Variants in BAZ1A observed in about 807,000 individuals in gnomAD.
BAZ1A encodes bromodomain adjacent to zinc finger domain protein 1A.
In BAZ1A, 50 loss-of-function variants were observed where a neutral mutation model predicts 185.2. The observed-to-expected ratio is 0.27, with a 90% confidence interval of 0.22 to 0.34. The LOEUF (loss-of-function observed/expected upper bound fraction) is 0.34, where lower values mean the gene tolerates loss of function less well. Among genes scored for constraint, BAZ1A ranks in the 10% least tolerant of loss-of-function variants. BAZ1A has a pLI of 1.00. For synonymous variants in BAZ1A, 571 were observed against 615.6 expected (o/e 0.93, Z 1.07); for missense variants, 1,356 against 1,839.9 (o/e 0.74, Z 4.81).
rs142708800 is a variant in BAZ1A, at chr14:34,862,046, T to C, written c.390A>G (p.Ala130=). 25 of 1,613,408 alleles carry C rather than the reference T, an allele frequency of 1.5e-5. No individual in the cohort carries two copies. The highest frequency in any genetic ancestry group is 1.9e-5 in the Non-Finnish European group (23 of 1,179,550). ...ETVEVIRNNG[A]RLQCRILEVL... is the part of the protein sequence containing the mutation. ...AGGAAAAATTAAAAGTACTTTACCT[T>C]GCACCATTGTTCCTAATGACTTCCA... is the stretch of plus-strand genomic sequence containing the variant. Residue 130 remains alanine (A), a splice_region_variant and synonymous_variant, in exon 3 of 27, where the codon GCA becomes GCG. Transcript: ENST00000360310.
intron 3 of BAZ1A, among the ~76,000 whole-genome samples, chr14:34,846,899 T>A (rs1055641177): frequency 1.3e-5 from 2 of 152,020 alleles, no homozygotes; most frequent in South Asian, 2.1e-4. Context: ...TAAAAAAAAA[T>A]TAAAAATAAT....
chr14:34,776,831 G>A (rs1879654626), intron 17 of BAZ1A, among the ~76,000 whole-genome samples: 1 of 152,130 alleles, frequency 6.6e-6, no homozygotes, highest in Non-Finnish European at 1.5e-5. Context: ...GGCACTGTCT[G>A]CAAGCCAAGA....
intron 11 of BAZ1A, among the ~76,000 whole-genome samples, chr14:34,793,963 A>G (rs1881030369): frequency 1.3e-5 from 2 of 151,220 alleles, no homozygotes; most frequent in Admixed American, 1.3e-4. Flanking sequence ...AAAGAAAAAA[A>G]GAAAAAAAAA....
intron 3 of BAZ1A, among the ~76,000 whole-genome samples, chr14:34,828,124 C>T (rs1200403): frequency 0.11 from 17,214 of 151,232 alleles, 1,203 homozygotes; most frequent in Non-Finnish European, 0.17. Flanking sequence ...AACCCTGTCT[C>T]TAGTAAAAAA....
intron 14 of BAZ1A, among the ~76,000 whole-genome samples, chr14:34,785,456 T>G (rs1189347664): frequency 6.6e-6 from 1 of 152,184 alleles, no homozygotes; most frequent in East Asian, 1.9e-4. Flanking sequence ...CTTATTCAAG[T>G]GAATGGCAGG....
At chr14:34,848,781 T>C (rs1216551537) in intron 3 of BAZ1A, among the ~76,000 whole-genome samples, 1 of 152,176 alleles carries the variant, frequency 6.6e-6, no homozygotes, top group Non-Finnish European at 1.5e-5. Context: ...GAAACCTAGC[T>C]ATAAATGAAA....
intron 4 of BAZ1A, among the ~76,000 whole-genome samples, chr14:34,819,170 TG>T (rs2042050079): frequency 7.1e-6 from 1 of 140,306 alleles, no homozygotes; most frequent in South Asian, 2.2e-4. Flanking sequence ...AAAAAAAGAA[TG>T]AATCTTCTAT....
intron 3 of BAZ1A, among the ~76,000 whole-genome samples, chr14:34,832,213 C>CATATATATATAT (rs1491212993): frequency 1.8e-4 from 14 of 78,686 alleles, no homozygotes; most frequent in Admixed American, 4.0e-4. Context: ...CACACACACA[C>CATATATATATAT]ACATATATAT....
chr14:34,855,797 G>A (rs1344076247), intron 3 of BAZ1A, among the ~76,000 whole-genome samples: 1 of 152,154 alleles, frequency 6.6e-6, no homozygotes, highest in African/African-American at 2.4e-5. Flanking sequence ...CTACTCAGGA[G>A]GAGGCTAAGG....
At chr14:34,795,009 C>T in intron 10 of BAZ1A, 122 bp from the exon 11 acceptor site, 1 of 1,304,034 alleles carries the variant, frequency 7.7e-7, no homozygotes, top group South Asian at 1.6e-5. Context: ...TGGTTCTCAA[C>T]CCTTGCTGTT....
chr14:34,759,184 T>TTTG (rs1555336961), intron 24 of BAZ1A, among the ~76,000 whole-genome samples: 2 of 108,028 alleles, frequency 1.9e-5, no homozygotes, highest in African/African-American at 7.8e-5. Context: ...TTTTTTTTTT[T>TTTG]TTTTTTTTTT....
Position 34,862,416 on chromosome 14 carries a change from T to G in BAZ1A, c.114-94A>C. On this transcript the variant is annotated intron_variant, in intron 2 of 26. Transcript: ENST00000360310. ...TGATAGCATTATCAGGTTATTTTTG[T>G]GCCTTTAATGCAAAATTTTATGTAG... is the stretch of plus-strand genomic sequence containing the variant. 6 of 1,403,696 alleles carry G rather than the reference T, an allele frequency of 4.3e-6. No homozygotes were observed. The South Asian group carries it at 8.8e-5, about 21-fold the overall frequency. The allele number at this position is 1,403,696 out of a possible 1,614,324, so 87.0% of individuals were successfully genotyped here.
chr14:34,811,059 A>C (rs2041923352), intron 4 of BAZ1A, 23 bp from the exon 5 acceptor site: 1 of 1,430,026 alleles, frequency 7.0e-7, no homozygotes, highest in African/African-American at 1.4e-5. Flanking sequence ...GGGAAAAGAC[A>C]CAAATCAGTT....
At chr14:34,873,267 T>A (rs1011338188) in intron 2 of BAZ1A, among the ~76,000 whole-genome samples, 11 of 152,212 alleles carry the variant, frequency 7.2e-5, no homozygotes, top group South Asian at 6.2e-4. Context: ...GCGACGTTAC[T>A]TGGTTGCTAT....
chr14:34,873,876 G>A (rs948999674), intron 2 of BAZ1A, among the ~76,000 whole-genome samples: 4 of 152,172 alleles, frequency 2.6e-5, no homozygotes, highest in African/African-American at 9.7e-5. Context: ...GGAGGCTCTC[G>A]CGTCCCGCGC....
chr14:34,765,514 A>C (rs1184952008), intron 21 of BAZ1A, among the ~76,000 whole-genome samples: 1 of 152,246 alleles, frequency 6.6e-6, no homozygotes, highest in Non-Finnish European at 1.5e-5. Context: ...TTTAATAGCT[A>C]AAGAGAAAAA....
intron 3 of BAZ1A, among the ~76,000 whole-genome samples, chr14:34,844,008 A>G (rs2042460319): frequency 6.8e-6 from 1 of 147,082 alleles, no homozygotes; most frequent in Non-Finnish European, 1.5e-5. Flanking sequence ...GATCGAGACC[A>G]TCCTGGCTAA....
At chr14:34,790,328 C>A (rs1016910667) in intron 12 of BAZ1A, among the ~76,000 whole-genome samples, 5 of 152,006 alleles carry the variant, frequency 3.3e-5, no homozygotes, top group South Asian at 2.1e-4. Flanking sequence ...CACCACTACA[C>A]CTGGCTAATT....
intron 21 of BAZ1A, among the ~76,000 whole-genome samples, chr14:34,765,531 A>AG (rs1313104325): frequency 6.6e-6 from 1 of 152,250 alleles, no homozygotes; most frequent in Non-Finnish European, 1.5e-5. Flanking sequence ...AAAATAATTC[A>AG]GACAATGTGT....
Sources: allele counts gnomAD v4.1 joint callset (sites outside exome capture counted in the v4.1 genomes callset), GRCh38; gene constraint gnomAD v4.1.1; transcripts MANE v1.5; gene names NCBI Gene and HGNC (gene_info 2026-07-23, HGNC 2026-07-21).